Variants in TDRD10 observed in about 807,000 individuals in gnomAD.
The protein encoded by TDRD10 is tudor domain-containing protein 10.
Under a neutral mutation model 48.0 loss-of-function variants are expected in TDRD10, and 40 were observed. The ratio of observed to expected loss-of-function variants is 0.83; its 90% CI spans 0.65 to 1.09. The LOEUF is 1.09. TDRD10 is among the 50% of genes least tolerant of loss of function. The probability of loss-of-function intolerance (pLI) is 0.00; values close to 1 mark genes in which losing one functional copy is unlikely to be tolerated. For synonymous variants in TDRD10, 162 were observed against 170.4 expected, an observed-to-expected ratio of 0.95 and a Z score of 0.38; for missense variants, 378 against 434.7, an observed-to-expected ratio of 0.87 and a Z score of 1.16.
At chr1:154,521,598 A>AG in intron 6 of TDRD10, 119 bp downstream of exon 6, 1 of 1,224,178 alleles carries the variant, frequency 8.2e-7, no homozygotes, top group South Asian at 1.5e-5. Context: ...AGAAGAAGGC[A>AG]GGGTCTCGGG....
rs187148917 is a variant in TDRD10 at position 154,523,604 on chromosome 1, A to G, written c.369+2125A>G. On this transcript the variant is annotated intron_variant, in intron 6 of 12. Coordinates refer to ENST00000368482, the MANE Select transcript of TDRD10 (RefSeq NM_182499.4). The stretch of plus-strand genomic sequence containing the variant: ...GCACACAAAGTCTGCTGACCCCACC[A>G]TTTCTTCATTATTCAATATTCTCTT... 3.4e-3 allele frequency among the ~76,000 whole-genome samples: 519 copies of G among 152,082 alleles called. 14 individuals carry two copies. The highest frequency in any genetic ancestry group is 0.031 in the Admixed American group (480 of 15,276).
intron 6 of TDRD10, among the ~76,000 whole-genome samples, chr1:154,536,406 C>T (rs1694921211): frequency 6.6e-6 from 1 of 152,156 alleles, no homozygotes; most frequent in Admixed American, 6.5e-5. Context: ...AAAAATAACA[C>T]ATAACTTGAT....
chr1:154,539,814 C>T lies in TDRD10; in HGVS notation c.370-2210C>T, dbSNP rs1177935409. Among the ~76,000 whole-genome samples, 3 of 152,122 alleles carry T rather than the reference C, an allele frequency of 2.0e-5. 1 individual carries two copies. Among genetic ancestry groups the T allele is most frequent in the South Asian group, 4.1e-4 (2 of 4,820 alleles). ...AAAATACCAGATAATGAGTAGCAGCCGGAGAACTAAAATATGATGATGTGA... is the reference window on the plus strand; with the variant it reads ...AAAATACCAGATAATGAGTAGCAGCTGGAGAACTAAAATATGATGATGTGA... On this transcript the variant is annotated intron_variant, in intron 6 of 12. Coordinates refer to ENST00000368482, the MANE Select transcript of TDRD10 (RefSeq NM_182499.4).
chr1:154,529,634 C>T (rs2149335892), intron 6 of TDRD10, among the ~76,000 whole-genome samples: 1 of 151,922 alleles, frequency 6.6e-6, no homozygotes. Flanking sequence ...CAACCTCCGC[C>T]TCCCAGGTTC....
intron 6 of TDRD10, among the ~76,000 whole-genome samples, chr1:154,538,824 GCCT>G (rs1695065820): frequency 1.0e-5 from 1 of 99,486 alleles, no homozygotes. Context: ...CTGCACTCCA[GCCT>G]GGGTGACGGA....
chr1:154,509,716 A>G, intron 4 of TDRD10: 1 of 568,080 alleles, frequency 1.8e-6, no homozygotes. Flanking sequence ...ATCATATTCA[A>G]TCAAAGGGGC....
chr1:154,544,095 T>A lies in TDRD10; in HGVS notation c.636T>A (p.Ala212=), dbSNP rs6678164. The part of the protein sequence containing the change: ...SIVPKTPFFW[A]MHVTEALHQN... ...TCCCGAAGACCCCGTTTTTCTGGGC[T>A]ATGCACGTCACTGAGGTATGGACTG... Residue 212 remains alanine, a synonymous_variant, in exon 9 of 13, where the codon GCT becomes GCA. Transcript: ENST00000368482. 1 of 1,614,064 alleles carries A rather than the reference T, an allele frequency of 6.2e-7. No individual in the cohort carries two copies. The highest frequency in any genetic ancestry group is 1.1e-5 in the South Asian group (1 of 91,076).
In TDRD10 at chr1:154,547,428, G is replaced by A. The variant is rs1165248402; in HGVS notation, c.972G>A (p.Glu324=). The A allele has an allele frequency of 6.2e-7, 1 of 1,614,072 alleles. No individual in the cohort carries two copies. The highest frequency in any genetic ancestry group is 1.3e-5 in the African/African-American group (1 of 74,920). Reference sequence around the variant, plus strand: ...TTGCAGACATTTTGAGTTCGTATGAGGTTGTCCATCGAATCCTCAAAGGGA... The same window carrying A: ...TTGCAGACATTTTGAGTTCGTATGAAGTTGTCCATCGAATCCTCAAAGGGA... ...MLEKDILSSY[E]VVHRILKGKI... The change falls in exon 12 of 13, where the codon GAG becomes GAA. Residue 324 remains glutamate, a synonymous_variant. Coordinates refer to ENST00000368482, the MANE Select transcript of TDRD10 (RefSeq NM_182499.4).
intron 7 of TDRD10, 30 bp downstream of exon 7, chr1:154,542,096 G>C: frequency 6.2e-7 from 1 of 1,613,042 alleles, no homozygotes. Context: ...TCCTTTCCCA[G>C]GATGTGGCTT....
intron 4 of TDRD10, among the ~76,000 whole-genome samples, chr1:154,515,342 C>T (rs1693702886): frequency 6.6e-6 from 1 of 152,210 alleles, no homozygotes; most frequent in African/African-American, 2.4e-5. Flanking sequence ...CTAATCTTAA[C>T]ATAGCAGCCA....
At chr1:154,529,465 G>A (rs576471390) in intron 6 of TDRD10, among the ~76,000 whole-genome samples, 1 of 151,996 alleles carries the variant, frequency 6.6e-6, no homozygotes, top group East Asian at 1.9e-4. Flanking sequence ...CAAAAGTGTG[G>A]TTTTTGCCAT....
At chr1:154,511,926 G>C (rs1693499694) in intron 4 of TDRD10, among the ~76,000 whole-genome samples, 1 of 152,014 alleles carries the variant, frequency 6.6e-6, no homozygotes, top group Non-Finnish European at 1.5e-5. Context: ...CTACTCAGGA[G>C]GCTGAGGCAC....
intron 6 of TDRD10, among the ~76,000 whole-genome samples, chr1:154,523,874 G>C (rs1044269334): frequency 1.2e-4 from 19 of 152,224 alleles, no homozygotes; most frequent in African/African-American, 3.9e-4. Flanking sequence ...AAACTGACCT[G>C]TTTTGGAATT....
At chr1:154,544,242 G>C in intron 9 of TDRD10, 130 bp from the exon 10 acceptor site, 13 of 1,544,544 alleles carry the variant, frequency 8.4e-6, no homozygotes, top group Non-Finnish European at 1.1e-5. Context: ...GTTCAGTCTC[G>C]TTCTCTCTCC....
chr1:154,517,058 G>T (rs1015411775), intron 4 of TDRD10, among the ~76,000 whole-genome samples: 1 of 152,186 alleles, frequency 6.6e-6, no homozygotes, highest in Admixed American at 6.5e-5. Flanking sequence ...GAGCCTGAAG[G>T]GTCACAGTAC....
At chr1:154,506,429 G>A (rs1477568556) in intron 1 of TDRD10, among the ~76,000 whole-genome samples, 1 of 149,994 alleles carries the variant, frequency 6.7e-6, no homozygotes, top group Non-Finnish European at 1.5e-5. Context: ...AGGCTGGAGT[G>A]CAGTGGCCCA....
In TDRD10 at chr1:154,544,453, G is replaced by A. The variant is rs781605784; in HGVS notation, c.733G>A (p.Val245Ile). The change falls in exon 10 of 13, where the codon GTT (valine) becomes ATT (isoleucine). Residue 245 changes from valine to isoleucine, a missense_variant. Physicochemically the swap from Val to Ile is conservative, Grantham distance 29. Transcript: ENST00000368482. ...EQQPYLEGST[V>I]MRGTRCLAEY... The stretch of plus-strand genomic sequence containing the variant: ...GCAGCCCTACCTGGAGGGCTCCACC[G>A]TTATGCGCGGGACTCGCTGTCTGGC... 1.7e-5 allele frequency: 28 copies of A among 1,612,674 alleles called. No individual in the cohort carries two copies. The highest frequency in any genetic ancestry group is 1.6e-4 in the Middle Eastern group (1 of 6,082).
intron 4 of TDRD10, among the ~76,000 whole-genome samples, chr1:154,509,295 C>G (rs1005218251): frequency 6.6e-6 from 1 of 152,162 alleles, no homozygotes; most frequent in Non-Finnish European, 1.5e-5. Flanking sequence ...CCTTGCTAAC[C>G]AGTTCCACTC....
At chr1:154,545,601 G>T (rs996682866) in intron 11 of TDRD10, among the ~76,000 whole-genome samples, 3 of 152,022 alleles carry the variant, frequency 2.0e-5, no homozygotes, top group East Asian at 1.9e-4. Context: ...CAGAGGCAGG[G>T]TCTCACTCTG....
Sources: gnomAD v4.1 joint callset for allele counts (sites outside exome capture counted in the v4.1 genomes callset) on GRCh38, gnomAD v4.1.1 for gene constraint, MANE v1.5 for transcripts, NCBI Gene and HGNC (gene_info 2026-07-23, HGNC 2026-07-21) for gene names.